The following ADGRL2 variants were observed in gnomAD, a reference collection of about 807,000 sequenced individuals.
The protein encoded by ADGRL2 is calcium-independent alpha-latrotoxin receptor 2.
In ADGRL2, 44 loss-of-function variants were observed where a neutral mutation model predicts 157.4. That is an observed-to-expected ratio of 0.28 (90% CI 0.22 to 0.36). The LOEUF is 0.36. Ranked by LOEUF, ADGRL2 falls within the 10% of genes least tolerant of loss-of-function variation. ADGRL2 has a pLI of 1.00. For synonymous variants in ADGRL2, 585 were observed against 624.7 expected, an observed-to-expected ratio of 0.94 and a Z score of 0.95; for missense variants, 1,510 against 1,768.9, an observed-to-expected ratio of 0.85 and a Z score of 2.63.
intron 1 of ADGRL2, among the ~76,000 whole-genome samples, chr1:81,814,122 T>G (rs779278349): frequency 6.6e-6 from 1 of 151,800 alleles, no homozygotes; most frequent in Non-Finnish European, 1.5e-5. Flanking sequence ...AATAGATTGG[T>G]AACTGGTTTT....
At chr1:81,877,751 G>A (rs74806285) in intron 2 of ADGRL2, among the ~76,000 whole-genome samples, 15 of 152,026 alleles carry the variant, frequency 9.9e-5, no homozygotes, top group Non-Finnish European at 1.6e-4. Flanking sequence ...CAAGTTAGAC[G>A]TAGACCTTAA....
chr1:81,557,493 GAAAGA>G (rs1557459050), intron 2 of ADGRL2: 5 of 77,068 alleles, frequency 6.5e-5, no homozygotes, highest in Admixed American at 2.7e-4. Flanking sequence ...AAGAAAGAAA[GAAAGA>G]AAGAAAGAAA....
chr1:81,555,012 C>CA (rs1386337838), intron 2 of ADGRL2, among the ~76,000 whole-genome samples: 1 of 151,896 alleles, frequency 6.6e-6, no homozygotes, highest in Non-Finnish European at 1.5e-5. Flanking sequence ...TGGGGTGCAG[C>CA]AAAATGGGTG....
Position 81,644,580 on chromosome 1 carries a change from A to G in ADGRL2, c.-143+63600A>G, listed in dbSNP as rs117050023. On this transcript the variant is annotated intron_variant, in intron 3 of 24. Transcript: ENST00000370721. ...AAAGACCTTAACAGGCACCTCCCCAAAGAAGATATACAGATGGCAAATAAG... is the reference window on the plus strand; with the variant it reads ...AAAGACCTTAACAGGCACCTCCCCAGAGAAGATATACAGATGGCAAATAAG... Among the ~76,000 whole-genome samples, 830 of 152,306 alleles carry G rather than the reference A, an allele frequency of 5.4e-3. 33 individuals carry two copies. In the East Asian group the frequency reaches 0.087, roughly 16 times the overall value.
chr1:81,684,298 G>GT (rs1167198282), intron 3 of ADGRL2, among the ~76,000 whole-genome samples: 1 of 152,126 alleles, frequency 6.6e-6, no homozygotes, highest in Non-Finnish European at 1.5e-5. Context: ...AACATCTACT[G>GT]TTTTTTAATT....
At chr1:81,618,080 A>C (rs1165163305) in intron 3 of ADGRL2, among the ~76,000 whole-genome samples, 5 of 151,660 alleles carry the variant, frequency 3.3e-5, no homozygotes, top group African/African-American at 4.8e-5. Context: ...TTTTCCTTCC[A>C]ATTATAAGGA....
At chr1:81,921,779 C>T (rs1221426960) in intron 3 of ADGRL2, among the ~76,000 whole-genome samples, 1 of 152,138 alleles carries the variant, frequency 6.6e-6, no homozygotes, top group Non-Finnish European at 1.5e-5. Context: ...AAATCAGATA[C>T]ATTTTAGTTT....
At chr1:81,324,964 AC>A (rs1557597814) in intron 1 of ADGRL2, among the ~76,000 whole-genome samples, 1 of 151,734 alleles carries the variant, frequency 6.6e-6, no homozygotes. Context: ...TGATCCACCC[AC>A]CCCGACCTCC....
intron 2 of ADGRL2, among the ~76,000 whole-genome samples, chr1:81,895,689 C>T (rs1373634495): frequency 6.6e-6 from 1 of 152,116 alleles, no homozygotes; most frequent in Non-Finnish European, 1.5e-5. Context: ...GCCACCGCCC[C>T]AGACCTGAAA....
chr1:81,436,011 C>A (rs1474904692), intron 1 of ADGRL2, among the ~76,000 whole-genome samples: 1 of 152,136 alleles, frequency 6.6e-6, no homozygotes, highest in Admixed American at 6.5e-5. Context: ...AGGAGAATCA[C>A]TTGAATCTGG....
At chr1:81,766,113 C>CA (rs1335988961) in intron 2 of ADGRL2, among the ~76,000 whole-genome samples, 2 of 151,994 alleles carry the variant, frequency 1.3e-5, no homozygotes, top group Non-Finnish European at 2.9e-5. Flanking sequence ...TTTTAATCAG[C>CA]AAAAAAACAA....
At chr1:81,557,307 G>A (rs1570490942) in intron 2 of ADGRL2, 1 of 197,382 alleles carries the variant, frequency 5.1e-6, no homozygotes, top group East Asian at 1.2e-4. Context: ...CCTTAGTTTT[G>A]AGACATCCTC....
At chr1:81,834,631 T>G (rs927460322) in intron 1 of ADGRL2, among the ~76,000 whole-genome samples, 2 of 152,200 alleles carry the variant, frequency 1.3e-5, no homozygotes, top group African/African-American at 4.8e-5. Context: ...CTTGAGGTTT[T>G]GGAAATAATT....
intron 2 of ADGRL2, among the ~76,000 whole-genome samples, chr1:81,449,741 A>G (rs889752256): frequency 6.6e-6 from 1 of 152,122 alleles, no homozygotes; most frequent in African/African-American, 2.4e-5. Flanking sequence ...AGCTGGGACT[A>G]CAGGCATGTA....
chr1:81,602,624 C>G lies in ADGRL2; in HGVS notation c.-143+21644C>G, dbSNP rs377581127. 4.0e-5 allele frequency among the ~76,000 whole-genome samples: 6 copies of G among 150,058 alleles called. No homozygotes were observed. The East Asian group carries it at 6.0e-4, about 15-fold the overall frequency. ...CAAAAAATACAAAAATTAGGCTGGA[C>G]ATGGTGGCTCATGCCTGTAATCCCA... On this transcript the variant is annotated intron_variant, in intron 3 of 24. Coordinates refer to the ADGRL2 transcript ENST00000370721.
intron 3 of ADGRL2, among the ~76,000 whole-genome samples, chr1:81,610,156 T>C (rs1368672206): frequency 1.3e-5 from 2 of 151,388 alleles, no homozygotes; most frequent in Non-Finnish European, 2.9e-5. Context: ...TCTATTCTGA[T>C]ACATTTTATG....
chr1:81,833,232 A>G (rs1005659655), intron 1 of ADGRL2, among the ~76,000 whole-genome samples: 2 of 152,220 alleles, frequency 1.3e-5, no homozygotes, highest in Non-Finnish European at 2.9e-5. Context: ...CTAAAACATT[A>G]ATGTTTCATT....
intron 3 of ADGRL2, among the ~76,000 whole-genome samples, chr1:81,915,490 G>A (rs903962489): frequency 8.5e-5 from 13 of 152,148 alleles, no homozygotes; most frequent in African/African-American, 2.9e-4. Flanking sequence ...TTAATTTAGG[G>A]GGTTTTTACC....
chr1:81,646,693 G>A (rs940689369), intron 3 of ADGRL2, among the ~76,000 whole-genome samples: 1 of 152,104 alleles, frequency 6.6e-6, no homozygotes, highest in Non-Finnish European at 1.5e-5. Context: ...CAGTCAGTAG[G>A]TCCTTTTTTG....
Sources: gnomAD v4.1 joint callset for allele counts (sites outside exome capture counted in the v4.1 genomes callset) on GRCh38, gnomAD v4.1.1 for gene constraint, MANE v1.5 for transcripts, NCBI Gene and HGNC (gene_info 2026-07-23, HGNC 2026-07-21) for gene names.